The following ERGIC1 variants were observed in gnomAD, a reference collection of about 807,000 sequenced individuals.
ERGIC1 encodes the protein endoplasmic reticulum-Golgi intermediate compartment protein 1.
ERGIC1 carries 19 observed loss-of-function variants against 38.3 expected under a neutral mutation model. The ratio of observed to expected loss-of-function variants is 0.50; its 90% CI spans 0.35 to 0.73. ERGIC1 has a LOEUF of 0.73. Among genes scored for constraint, ERGIC1 ranks in the 30% least tolerant of loss-of-function variants. The probability of loss-of-function intolerance (pLI) is 0.01; values close to 1 mark genes in which losing one functional copy is unlikely to be tolerated. For synonymous variants in ERGIC1, 124 were observed against 157.6 expected (o/e 0.79, Z 1.60); for missense variants, 294 against 389.2 (o/e 0.76, Z 2.06).
At chr5:172,867,713 C>T (rs1442078594) in intron 1 of ERGIC1, 1 of 234,612 alleles carries the variant, frequency 4.3e-6, no homozygotes, top group Non-Finnish European at 8.9e-6. Context: ...GTCTAGATTT[C>T]CCTTTCCATC....
chr5:172,920,517 G>A (rs1763484583), intron 5 of ERGIC1: 1 of 707,990 alleles, frequency 1.4e-6, no homozygotes, highest in South Asian at 1.5e-5. Flanking sequence ...CCAGCTATAT[G>A]TTTTTAAAAT....
At chr5:172,888,866 A>T (rs1253359085) in intron 2 of ERGIC1, 106 bp downstream of exon 2, 2 of 1,090,720 alleles carry the variant, frequency 1.8e-6, no homozygotes, top group African/African-American at 1.5e-5. Context: ...GAAAGACAGG[A>T]GGGAGGAAAG....
intron 9 of ERGIC1, among the ~76,000 whole-genome samples, chr5:172,940,791 C>T (rs756640825): frequency 6.6e-6 from 1 of 152,230 alleles, no homozygotes; most frequent in African/African-American, 2.4e-5. Context: ...CACCCACAGA[C>T]GTTCCTCTCT....
intron 1 of ERGIC1, among the ~76,000 whole-genome samples, chr5:172,868,990 C>T (rs937108233): frequency 5.9e-5 from 9 of 152,358 alleles, no homozygotes; most frequent in Non-Finnish European, 1.2e-4. Flanking sequence ...GCGGGGGCTT[C>T]CCGGGCTGGC....
At chr5:172,871,827 CTG>C (rs1347163313) in intron 1 of ERGIC1, among the ~76,000 whole-genome samples, 1 of 152,244 alleles carries the variant, frequency 6.6e-6, no homozygotes, top group African/African-American at 2.4e-5. Flanking sequence ...CAGGCCCTGA[CTG>C]TGTCTTTCTT....
intron 1 of ERGIC1, among the ~76,000 whole-genome samples, chr5:172,856,841 C>G (rs1384771505): frequency 1.3e-5 from 2 of 152,176 alleles, no homozygotes; most frequent in African/African-American, 4.8e-5. Flanking sequence ...CCCTCCTACC[C>G]TTGCACCTCA....
chr5:172,924,084 A>G lies in ERGIC1; in HGVS notation c.455A>G (p.Lys152Arg). The change falls in exon 6 of 10, where the codon AAG (lysine) becomes AGG (arginine). Residue 152 changes from lysine to arginine, a missense_variant. By Grantham distance (26) the Lys-to-Arg change is conservative. Transcript: ENST00000393784. ...QNPDMTHVIH[K>R]LSFGDTLQVQ... ...CCAGACATGACGCATGTCATCCACA[A>G]GCTCTCCTTTGGGGACACGCTACAG... 1 of 1,614,118 alleles carries G rather than the reference A, an allele frequency of 6.2e-7. No individual in the cohort carries two copies.
intron 1 of ERGIC1, among the ~76,000 whole-genome samples, chr5:172,845,762 C>T (rs1219528404): frequency 1.3e-5 from 2 of 152,218 alleles, no homozygotes; most frequent in Admixed American, 1.3e-4. Flanking sequence ...TTACCACATT[C>T]TCACCACTAG....
intron 8 of ERGIC1, chr5:172,933,879 A>T (rs1317551908): frequency 1.3e-5 from 2 of 152,090 alleles, no homozygotes; most frequent in East Asian, 3.9e-4. Context: ...GTGCTGTCAC[A>T]TGAGGCAATG....
At chr5:172,946,547 A>G (rs1019087936) in intron 9 of ERGIC1, among the ~76,000 whole-genome samples, 4 of 152,138 alleles carry the variant, frequency 2.6e-5, no homozygotes, top group Non-Finnish European at 5.9e-5. Flanking sequence ...CAGACACACC[A>G]CCTGGCACAG....
intron 5 of ERGIC1, chr5:172,916,645 C>T (rs948035537): frequency 2.6e-5 from 4 of 152,234 alleles, no homozygotes; most frequent in African/African-American, 4.8e-5. Context: ...GCACTTCCAT[C>T]GCTGAGGAAA....
rs1763757351 is a variant in ERGIC1 at position 172,930,606 on chromosome 5, G to A, written c.542-1830G>A. On this transcript the variant is annotated intron_variant, in intron 7 of 9. Coordinates refer to ENST00000393784, the MANE Select transcript of ERGIC1 (RefSeq NM_001031711.3). The stretch of plus-strand genomic sequence containing the variant: ...GATCCTCCCACCTCGGCCTCCCTAA[G>A]TGCTGGGATTACAGGCGTGAGCCAC... Among the ~76,000 whole-genome samples, 4 of 152,304 alleles carry A rather than the reference G, an allele frequency of 2.6e-5. No homozygotes were observed. In the Middle Eastern group the frequency reaches 0.01, roughly 389 times the overall value.
Position 172,935,268 on chromosome 5 carries a change from G to A in ERGIC1, c.723G>A (p.Lys241=). The change falls in exon 9 of 10, where the codon AAG becomes AAA. Residue 241 remains lysine, a synonymous_variant. Transcript: ENST00000393784. ...ACGACCTCAGCCCCATCACGGTCAAGTACACAGAGAGACGGCAGCCGCTGT... is the reference window on the plus strand; with the variant it reads ...ACGACCTCAGCCCCATCACGGTCAAATACACAGAGAGACGGCAGCCGCTGT... ...FRYDLSPITV[K]YTERRQPLYR... is the part of the protein sequence containing the mutation. 6.2e-7 allele frequency: 1 copy of A among 1,614,184 alleles called. No homozygotes were observed. Among genetic ancestry groups the A allele is most frequent in the African/African-American group, 1.3e-5 (1 of 75,054 alleles).
intron 3 of ERGIC1, among the ~76,000 whole-genome samples, chr5:172,908,843 C>A (rs556851979): frequency 6.6e-6 from 1 of 152,188 alleles, no homozygotes; most frequent in African/African-American, 2.4e-5. Flanking sequence ...TTCTCAGAAC[C>A]GGTTCTGCCC....
chr5:172,837,141 C>G lies in ERGIC1; in HGVS notation c.20+2708C>G, dbSNP rs1761056021. Among the ~76,000 whole-genome samples, 5 of 152,138 alleles carry G rather than the reference C, an allele frequency of 3.3e-5. No individual in the cohort carries two copies. Among genetic ancestry groups the G allele is most frequent in the Admixed American group, 2.0e-4 (3 of 15,282 alleles). On this transcript the variant is annotated intron_variant, in intron 1 of 9. Transcript: ENST00000393784. This position sits in a 1 kb window ranked among gnomAD's most constrained non-coding sequence, Gnocchi z 4.3. The stretch of plus-strand genomic sequence containing the variant: ...AAAACCAGCCGTCCTGCTCGTGTTC[C>G]CCTTCTTAAAATCAGAAGCAGGAAA...
intron 9 of ERGIC1, chr5:172,937,290 C>G (rs1763906358): frequency 6.6e-6 from 1 of 151,926 alleles, no homozygotes; most frequent in African/African-American, 2.4e-5. Flanking sequence ...AGGCCAAGGA[C>G]CAGCTCTTCA....
chr5:172,886,557 G>A (rs183248033), intron 1 of ERGIC1, among the ~76,000 whole-genome samples: 1 of 152,330 alleles, frequency 6.6e-6, no homozygotes, highest in African/African-American at 2.4e-5. Context: ...GGGCCTAAAA[G>A]AGGGGGTGTG....
At chr5:172,874,921 T>G (rs1185788695) in intron 1 of ERGIC1, among the ~76,000 whole-genome samples, 1 of 101,312 alleles carries the variant, frequency 9.9e-6, no homozygotes, top group Admixed American at 1.1e-4. Flanking sequence ...AGACCCTGTC[T>G]AAAAAAAAAA....
intron 1 of ERGIC1, among the ~76,000 whole-genome samples, chr5:172,859,829 A>G (rs1761652056): frequency 1.3e-5 from 2 of 152,182 alleles, no homozygotes; most frequent in Non-Finnish European, 2.9e-5. Context: ...AGGATTTGGA[A>G]GCCCGGTTTC....
Sources: gnomAD v4.1 joint callset for allele counts (sites outside exome capture counted in the v4.1 genomes callset) on GRCh38, gnomAD v4.1.1 for gene constraint, Gnocchi (gnomAD v3.1) non-coding constraint, MANE v1.5 for transcripts, NCBI Gene and HGNC (gene_info 2026-07-23, HGNC 2026-07-21) for gene names.